The following ABCA10 variants were observed in gnomAD, a reference collection of about 807,000 sequenced individuals.
ABCA10 encodes ATP binding cassette subfamily A member 10.
In ABCA10, 169 loss-of-function variants were observed where a neutral mutation model predicts 187.5. The ratio of observed to expected loss-of-function variants is 0.90; its 90% CI spans 0.80 to 1.02. ABCA10 has a LOEUF of 1.02. Ranked by LOEUF, ABCA10 falls within the 50% of genes least tolerant of loss-of-function variation. The pLI, the probability that ABCA10 is intolerant of heterozygous loss-of-function variation, is 0.00. For missense variants in ABCA10, 1,727 were observed against 1,812.4 expected, an observed-to-expected ratio of 0.95 and a Z score of 0.86; for synonymous variants, 574 against 601.8, an observed-to-expected ratio of 0.95 and a Z score of 0.68.
chr17:69,184,569 ATG>A (rs943589559), intron 20 of ABCA10, among the ~76,000 whole-genome samples: 14 of 152,124 alleles, frequency 9.2e-5, no homozygotes, highest in African/African-American at 3.1e-4. Flanking sequence ...GTTGGCATGG[ATG>A]TGATGAAAAG....
chr17:69,168,340 G>A (rs1401295907), intron 25 of ABCA10, among the ~76,000 whole-genome samples: 1 of 152,048 alleles, frequency 6.6e-6, no homozygotes. Context: ...ATTTTGATTT[G>A]AACAGGAATC....
intron 16 of ABCA10, among the ~76,000 whole-genome samples, chr17:69,192,272 G>C (rs1361786421): frequency 1.3e-5 from 2 of 152,056 alleles, no homozygotes; most frequent in Non-Finnish European, 2.9e-5. Flanking sequence ...TGCAGCCACT[G>C]CACTCCAGCC....
At chr17:69,163,198 C>T (rs2074231399) in intron 27 of ABCA10, among the ~76,000 whole-genome samples, 1 of 151,914 alleles carries the variant, frequency 6.6e-6, no homozygotes, top group African/African-American at 2.4e-5. Flanking sequence ...TTTTGGAGTC[C>T]CATCTTGTCT....
Position 69,153,322 on chromosome 17 carries a change from C to A in ABCA10, c.4119G>T (p.Glu1373Asp). Residue 1373 changes from glutamate (E) to aspartate (D), a missense_variant, in exon 34 of 39, where the codon GAG (glutamate) becomes GAT (aspartate). Transcript: ENST00000690296. ...CTCCTTACCACATTTGCTGCTGCCC[C>A]TCGGGGTCCATCCCGGTGAACGGCT... The part of the protein sequence containing the change: ...LDEPFTGMDP[E>D]GQQQMWQILQ... 1 of 1,612,572 alleles carries A rather than the reference C, an allele frequency of 6.2e-7. No homozygotes were observed. The highest frequency in any genetic ancestry group is 8.5e-7 in the Non-Finnish European group (1 of 1,179,324).
Position 69,174,273 on chromosome 17 carries a change from A to G in ABCA10, c.3162+8T>C, listed in dbSNP as rs190984274. 1.4e-4 allele frequency: 224 copies of G among 1,556,134 alleles called. 1 individual carries two copies. The highest frequency in any genetic ancestry group is 4.4e-6 in the Non-Finnish European group (5 of 1,142,074). On this transcript the variant is annotated splice_region_variant and intron_variant, in intron 25 of 38. Coordinates refer to ENST00000690296, the MANE Select transcript of ABCA10 (RefSeq NM_001377321.1). ...AATATAAATGTGCACGCATGTATAT[A>G]TACTTACAATAAAAAAGCCAAAAGA...
intron 2 of ABCA10, among the ~76,000 whole-genome samples, chr17:69,226,734 A>T (rs1321394502): frequency 3.3e-5 from 5 of 151,984 alleles, no homozygotes; most frequent in Admixed American, 3.3e-4. Context: ...AAATGTCCCC[A>T]AATAGTATCA....
intron 32 of ABCA10, 116 bp downstream of exon 32, chr17:69,153,715 A>G: frequency 6.8e-7 from 1 of 1,461,310 alleles, no homozygotes; most frequent in East Asian, 2.3e-5. Flanking sequence ...TATTTGAATC[A>G]TTTTATTTGC....
chr17:69,196,741 G>A lies in ABCA10; in HGVS notation c.1234+323C>T, dbSNP rs537190271. ...GGGCAACACTGAGCACTGAGTGAGC[G>A]AGACTCCGTCTGCAATCCCAGCACC... is the stretch of plus-strand genomic sequence containing the variant. On this transcript the variant is annotated intron_variant, in intron 11 of 38. Transcript: ENST00000690296. Among the ~76,000 whole-genome samples the A allele has an allele frequency of 5.8e-4, 88 of 152,348 alleles. 1 individual carries two copies. The highest frequency in any genetic ancestry group is 1.9e-3 in the African/African-American group (78 of 41,582).
chr17:69,226,585 T>C (rs1292048535), intron 2 of ABCA10, among the ~76,000 whole-genome samples: 1 of 151,938 alleles, frequency 6.6e-6, no homozygotes. Context: ...AATGCAAAGG[T>C]ATTGACAATC....
At chr17:69,222,485 T>G in intron 4 of ABCA10, 48 bp downstream of exon 4, 1 of 1,402,566 alleles carries the variant, frequency 7.1e-7, no homozygotes, top group Non-Finnish European at 9.5e-7. Flanking sequence ...AAACAGGGGA[T>G]TCCATGAAGT....
intron 20 of ABCA10, 91 bp from the exon 21 acceptor site, chr17:69,182,899 G>A (rs760445415): frequency 7.5e-6 from 11 of 1,471,808 alleles, no homozygotes; most frequent in Non-Finnish European, 1.0e-5. Flanking sequence ...TGCCAATCGT[G>A]TTAAGAAAAA....
At chr17:69,209,798 G>A (rs2074624055) in intron 9 of ABCA10, among the ~76,000 whole-genome samples, 1 of 152,096 alleles carries the variant, frequency 6.6e-6, no homozygotes, top group African/African-American at 2.4e-5. Flanking sequence ...GGTAGCCCAT[G>A]GCTCCTAGAC....
At chr17:69,179,215 A>C (rs574513910) in intron 22 of ABCA10, among the ~76,000 whole-genome samples, 14 of 152,022 alleles carry the variant, frequency 9.2e-5, no homozygotes, top group African/African-American at 3.1e-4. Flanking sequence ...CAAACAAAAA[A>C]AAAACCTCTA....
intron 22 of ABCA10, among the ~76,000 whole-genome samples, chr17:69,178,744 T>G: frequency 6.6e-6 from 1 of 152,332 alleles, no homozygotes; most frequent in African/African-American, 2.4e-5. Flanking sequence ...TCATTTTGTT[T>G]GGTTATGCAT....
intron 8 of ABCA10, among the ~76,000 whole-genome samples, chr17:69,215,187 G>A (rs1350771920): frequency 1.3e-5 from 2 of 152,076 alleles, no homozygotes; most frequent in African/African-American, 4.8e-5. Context: ...AACATAATTA[G>A]AGCCCATTTA....
At chr17:69,159,960 G>A (rs2074202156) in intron 27 of ABCA10, among the ~76,000 whole-genome samples, 1 of 152,090 alleles carries the variant, frequency 6.6e-6, no homozygotes, top group Non-Finnish European at 1.5e-5. Flanking sequence ...AAAGAATGAA[G>A]TGGAGGCCTT....
chr17:69,223,066 G>A (rs1389227951), intron 3 of ABCA10, among the ~76,000 whole-genome samples: 1 of 149,374 alleles, frequency 6.7e-6, no homozygotes, highest in Non-Finnish European at 1.5e-5. Flanking sequence ...AGGAGAGGGG[G>A]TAGGGGAGGA....
intron 25 of ABCA10, among the ~76,000 whole-genome samples, chr17:69,170,283 G>A (rs11077393): frequency 0.38 from 40,735 of 108,102 alleles, 7,316 homozygotes; most frequent in Non-Finnish European, 0.45. Context: ...GTGAGATTCC[G>A]TCTCAAAAAA....
intron 10 of ABCA10, among the ~76,000 whole-genome samples, chr17:69,199,872 T>C (rs2074531444): frequency 6.6e-6 from 1 of 152,216 alleles, no homozygotes; most frequent in Non-Finnish European, 1.5e-5. Flanking sequence ...GTAATTTCTA[T>C]AAGAATTAAT....
Sources: gnomAD v4.1 joint callset for allele counts (sites outside exome capture counted in the v4.1 genomes callset) on GRCh38, gnomAD v4.1.1 for gene constraint, MANE v1.5 for transcripts, NCBI Gene and HGNC (gene_info 2026-07-23, HGNC 2026-07-21) for gene names.